The following INPP5B variants were observed in gnomAD, a reference collection of about 807,000 sequenced individuals.
The protein encoded by INPP5B is inositol polyphosphate-5-phosphatase B.
INPP5B carries 90 observed loss-of-function variants against 118.5 expected under a neutral mutation model. The observed-to-expected ratio is 0.76, with a 90% confidence interval of 0.64 to 0.90. INPP5B has a LOEUF of 0.90. Ranked by LOEUF, INPP5B falls within the 40% of genes least tolerant of loss-of-function variation. INPP5B has a pLI of 0.00. For missense variants in INPP5B, 984 were observed against 1,125.6 expected (o/e 0.87, Z 1.80); for synonymous variants, 385 against 418.9 (o/e 0.92, Z 0.99).
At chr1:37,931,281 C>A in intron 7 of INPP5B, 1 of 474,768 alleles carries the variant, frequency 2.1e-6, no homozygotes, top group Non-Finnish European at 3.6e-6. Context: ...AAGGAAGACT[C>A]TATCGTAGGC....
At chr1:37,938,876 G>A (rs1203735907) in intron 6 of INPP5B, among the ~76,000 whole-genome samples, 1 of 151,984 alleles carries the variant, frequency 6.6e-6, no homozygotes, top group Non-Finnish European at 1.5e-5. Flanking sequence ...GACCAACGTG[G>A]TGAAACCCTG....
intron 3 of INPP5B, among the ~76,000 whole-genome samples, chr1:37,944,846 T>G (rs1646062223): frequency 6.6e-6 from 1 of 152,064 alleles, no homozygotes; most frequent in African/African-American, 2.4e-5. Flanking sequence ...CTCGAACTCC[T>G]AGGCTCAAGC....
At position 37,878,305 on chromosome 1, in the gene INPP5B, A is replaced by G. The variant is rs1228719713; in HGVS notation, c.1560T>C (p.Pro520=). The G allele has an allele frequency of 6.2e-7, 1 of 1,613,990 alleles. No individual in the cohort carries two copies. Among genetic ancestry groups the G allele is most frequent in the African/African-American group, 1.3e-5 (1 of 74,928 alleles). The change falls in exon 16 of 24, where the codon CCT becomes CCC. Residue 520 remains proline (P), a synonymous_variant. Coordinates refer to ENST00000373024, the MANE Select transcript of INPP5B (RefSeq NM_005540.3). ...TCCAGAGAATCCGATCACACCAGGCAGGAGCACGGCACTTCTCACTGAAAT... is the reference window on the plus strand; with the variant it reads ...TCCAGAGAATCCGATCACACCAGGCGGGAGCACGGCACTTCTCACTGAAAT... ...DWDTSEKCRA[P]AWCDRILWKG... is the part of the protein sequence containing the mutation.
intron 8 of INPP5B, 142 bp from the exon 9 acceptor site, chr1:37,889,866 C>A: frequency 1.8e-6 from 1 of 563,504 alleles, no homozygotes; most frequent in Non-Finnish European, 3.1e-6. Context: ...TCTACTAAAA[C>A]AACACTATTT....
At chr1:37,889,926 G>T (rs1487305782) in intron 8 of INPP5B, among the ~76,000 whole-genome samples, 1 of 152,112 alleles carries the variant, frequency 6.6e-6, no homozygotes. Flanking sequence ...TAATATGTTG[G>T]TCTGGAGATT....
At position 37,865,883 on chromosome 1, in the gene INPP5B, T is replaced by G; in HGVS notation, c.2392A>C (p.Ser798Arg). The G allele has an allele frequency of 6.2e-7, 1 of 1,612,820 alleles. No homozygotes were observed. Among genetic ancestry groups the G allele is most frequent in the Non-Finnish European group, 8.5e-7 (1 of 1,179,244 alleles). ...AGGGCTTCGGCTACAGAATGATTGC[T>G]GGCAGCTTTTGGCCCCATTGTTAAG... ...DTGMIDNLSA[S>R]NHSVAEALLL... is the part of the protein sequence containing the mutation. Residue 798 changes from serine to arginine, a missense_variant, in exon 22 of 24, where the codon AGC (serine) becomes CGC (arginine). Physicochemically the swap from Ser to Arg is moderately radical, Grantham distance 110. Transcript: ENST00000373024.
chr1:37,924,862 A>G (rs1645172449), intron 7 of INPP5B, among the ~76,000 whole-genome samples: 1 of 151,612 alleles, frequency 6.6e-6, no homozygotes, highest in African/African-American at 2.4e-5. Flanking sequence ...ACATGGTGAA[A>G]CCCTGTCTCT....
At chr1:37,883,386 C>G (rs1461670460) in intron 13 of INPP5B, 1 of 985,294 alleles carries the variant, frequency 1.0e-6, no homozygotes, top group Non-Finnish European at 1.2e-6. Flanking sequence ...AAAGTTCAAA[C>G]TTTATAGTGG....
chr1:37,887,239 GC>G, intron 11 of INPP5B, 111 bp downstream of exon 11: 1 of 805,102 alleles, frequency 1.2e-6, no homozygotes, highest in Non-Finnish European at 2.1e-6. Flanking sequence ...AATGAAAATT[GC>G]GGGATAATTA....
chr1:37,923,769 G>GT (rs1557703093), intron 7 of INPP5B, among the ~76,000 whole-genome samples: 2 of 129,482 alleles, frequency 1.5e-5, no homozygotes, highest in Non-Finnish European at 3.3e-5. Flanking sequence ...GAGGAAAGGA[G>GT]TAAGTGCAGT....
chr1:37,908,612 C>T (rs988200634), intron 7 of INPP5B, among the ~76,000 whole-genome samples: 7 of 151,876 alleles, frequency 4.6e-5, no homozygotes, highest in Non-Finnish European at 7.4e-5. Flanking sequence ...CAAGGAGACA[C>T]ATTTTATCCG....
intron 7 of INPP5B, among the ~76,000 whole-genome samples, chr1:37,896,501 C>T (rs1644080836): frequency 6.7e-6 from 1 of 148,602 alleles, no homozygotes; most frequent in South Asian, 2.1e-4. Context: ...CGGCCAGCCG[C>T]CCCGTCCGGC....
chr1:37,886,378 T>A (rs1275932845), intron 12 of INPP5B, among the ~76,000 whole-genome samples: 1 of 151,554 alleles, frequency 6.6e-6, no homozygotes, highest in Non-Finnish European at 1.5e-5. Context: ...CACCTCAGCC[T>A]CCCAAAGTGC....
chr1:37,876,290 G>C (rs1248087748), intron 16 of INPP5B, among the ~76,000 whole-genome samples: 1 of 151,546 alleles, frequency 6.6e-6, no homozygotes, highest in African/African-American at 2.4e-5. Context: ...TTTTTGTAGA[G>C]ATGAGGGGTT....
intron 2 of INPP5B, 132 bp downstream of exon 2, chr1:37,946,120 T>C: frequency 1.2e-6 from 1 of 864,628 alleles, no homozygotes; most frequent in Non-Finnish European, 1.9e-6. Flanking sequence ...CAGTAAGTAC[T>C]TAGTAAATAC....
intron 21 of INPP5B, 48 bp from the exon 22 acceptor site, chr1:37,865,936 A>C (rs778830172): frequency 1.2e-6 from 2 of 1,602,668 alleles, no homozygotes; most frequent in African/African-American, 2.7e-5. Context: ...GTCCATGGTT[A>C]GGAAAAGGCC....
At chr1:37,911,264 T>C (rs1378120215) in intron 7 of INPP5B, among the ~76,000 whole-genome samples, 4 of 152,178 alleles carry the variant, frequency 2.6e-5, no homozygotes, top group Non-Finnish European at 5.9e-5. Flanking sequence ...ACGCATATAC[T>C]TTCTGCCCCC....
intron 7 of INPP5B, among the ~76,000 whole-genome samples, chr1:37,925,116 G>A (rs1414916602): frequency 6.6e-6 from 1 of 152,128 alleles, no homozygotes; most frequent in Non-Finnish European, 1.5e-5. Flanking sequence ...GGAGGCTGCA[G>A]TGAGCAGAGA....
At chr1:37,918,024 C>T (rs1644934060) in intron 7 of INPP5B, among the ~76,000 whole-genome samples, 1 of 152,166 alleles carries the variant, frequency 6.6e-6, no homozygotes, top group South Asian at 2.1e-4. Context: ...TGAGCTCTCC[C>T]GCCTATTACC....
Sources: allele counts gnomAD v4.1 joint callset (sites outside exome capture counted in the v4.1 genomes callset), GRCh38; gene constraint gnomAD v4.1.1; transcripts MANE v1.5; gene names NCBI Gene and HGNC (gene_info 2026-07-23, HGNC 2026-07-21).